The following GRIP1 variants were observed in gnomAD, a reference collection of about 807,000 sequenced individuals.
The protein encoded by GRIP1 is glutamate receptor-interacting protein 1.
In GRIP1, 45 loss-of-function variants were observed where a neutral mutation model predicts 129.9. The observed-to-expected ratio is 0.35, with a 90% confidence interval of 0.27 to 0.44. The LOEUF (loss-of-function observed/expected upper bound fraction) is 0.44. Ranked by LOEUF, GRIP1 falls within the 20% of genes least tolerant of loss-of-function variation. GRIP1 has a pLI of 1.00. For synonymous variants in GRIP1, 530 were observed against 520.8 expected, an observed-to-expected ratio of 1.02 and a Z score of -0.24; for missense variants, 1,196 against 1,396.8, an observed-to-expected ratio of 0.86 and a Z score of 2.29.
chr12:66,949,131 T>C (rs1286868292), intron 1 of GRIP1, among the ~76,000 whole-genome samples: 2 of 152,230 alleles, frequency 1.3e-5, no homozygotes, highest in East Asian at 3.8e-4. Context: ...AGCAATTGCT[T>C]AAATTTTGTT....
At chr12:67,007,335 C>T (rs2042641257) in intron 1 of GRIP1, among the ~76,000 whole-genome samples, 1 of 152,154 alleles carries the variant, frequency 6.6e-6, no homozygotes, top group South Asian at 2.1e-4. Flanking sequence ...ATAAAGGACT[C>T]TAACTCAGCA....
intron 1 of GRIP1, among the ~76,000 whole-genome samples, chr12:66,726,539 C>A (rs1329193993): frequency 6.6e-6 from 1 of 152,146 alleles, no homozygotes; most frequent in Non-Finnish European, 1.5e-5. Flanking sequence ...TCTTGTTTCG[C>A]CCATTCCAGT....
chr12:66,749,511 T>G lies in GRIP1; in HGVS notation c.-420+54542A>C, dbSNP rs150866685. Among the ~76,000 whole-genome samples the G allele has an allele frequency of 5.9e-4, 90 of 152,344 alleles. No homozygotes were observed. The East Asian group carries it at 7.1e-3, about 12-fold the overall frequency. ...TTTTCTGTAAGTAATTTGTATATTT[T>G]CTGCAGTGTTTTACTGACTCTTCTT... On this transcript the variant is annotated intron_variant, in intron 1 of 4. Coordinates refer to the GRIP1 transcript ENST00000538373.
At chr12:66,397,522 A>G (rs2137568918) in intron 16 of GRIP1, among the ~76,000 whole-genome samples, 1 of 152,264 alleles carries the variant, frequency 6.6e-6, no homozygotes, top group East Asian at 1.9e-4. Flanking sequence ...AAAAAAAAAA[A>G]AAAAGCTATG....
rs114295242 is a variant in GRIP1, at chr12:66,885,145, T to G, written c.58+183905A>C. Among the ~76,000 whole-genome samples, 1,256 of 152,198 alleles carry G rather than the reference T, an allele frequency of 8.3e-3. 19 individuals carry two copies. The highest frequency in any genetic ancestry group is 0.029 in the African/African-American group (1,190 of 41,532). On this transcript the variant is annotated intron_variant, in intron 1 of 1. Coordinates refer to the GRIP1 transcript ENST00000643019. ...ACCCCAGAAGGGGAGGCAGAAACTT[T>G]CCAGAGACTCAGCACCCATAAGCTG...
At chr12:66,674,645 T>C (rs1484551267) in intron 1 of GRIP1, among the ~76,000 whole-genome samples, 1 of 152,192 alleles carries the variant, frequency 6.6e-6, no homozygotes, top group African/African-American at 2.4e-5. Flanking sequence ...TCTGAGATGG[T>C]TGAGTTTCAG....
At chr12:66,445,792 G>A (rs2058606302) in intron 11 of GRIP1, among the ~76,000 whole-genome samples, 1 of 152,120 alleles carries the variant, frequency 6.6e-6, no homozygotes. Flanking sequence ...CAGGTTACAT[G>A]GGTTTTAGTC....
rs1250833017 is a variant in GRIP1, at chr12:66,539,544, G to GTTTTTT, written c.273-322_273-321insAAAAAA. Among the ~76,000 whole-genome samples, 515 of 67,524 alleles carry GTTTTTT rather than the reference G, an allele frequency of 7.6e-3. 18 individuals are homozygous for GTTTTTT. The highest frequency in any genetic ancestry group is 0.03 in the African/African-American group (486 of 16,170). 44.3% of individuals were successfully genotyped at this position (67,524 alleles called of 152,430 possible). On this transcript the variant is annotated intron_variant, in intron 3 of 24. Coordinates refer to ENST00000359742, the MANE Select transcript of GRIP1 (RefSeq NM_001366722.1). ...GCACCATAAAACAAAATCAAGAGAAGCTTTTTTTTTTTTTTTTTTTTTTTT... is the reference window on the plus strand; with the variant it reads ...GCACCATAAAACAAAATCAAGAGAAGTTTTTTCTTTTTTTTTTTTTTTTTTTTTTTT...
At chr12:66,451,857 T>C (rs933684306) in intron 11 of GRIP1, among the ~76,000 whole-genome samples, 1 of 152,170 alleles carries the variant, frequency 6.6e-6, no homozygotes, top group East Asian at 1.9e-4. Context: ...TCTTAGGGTG[T>C]CTTCTTCAGG....
chr12:66,351,585 C>T (rs1257012326), intron 24 of GRIP1, among the ~76,000 whole-genome samples: 2 of 136,630 alleles, frequency 1.5e-5, no homozygotes, highest in African/African-American at 6.1e-5. Context: ...TGGAAACTCA[C>T]TCTGCACCCA....
At chr12:66,586,992 C>T (rs1394505642) in intron 2 of GRIP1, among the ~76,000 whole-genome samples, 2 of 152,194 alleles carry the variant, frequency 1.3e-5, no homozygotes. Flanking sequence ...TATCCAAACT[C>T]TTACCATGGC....
rs1592367661 is a variant in GRIP1, at chr12:66,462,823, A to AC, written c.1042+100_1042+101insG. ...TCTCAAAAAAAAAAAAAAAAAAAAA[A>AC]GGCAGAATGAGACCCAGTGTCTTTC... is the stretch of plus-strand genomic sequence containing the variant. On this transcript the variant is annotated intron_variant, in intron 9 of 24. Transcript: ENST00000359742. The AC allele has an allele frequency of 2.3e-4, 150 of 655,996 alleles. No individual in the cohort carries two copies. The East Asian group carries it at 3.9e-3, about 17-fold the overall frequency. The allele number at this position is 655,996 out of a possible 1,614,324, so 40.6% of individuals were successfully genotyped here.
intron 7 of GRIP1, among the ~76,000 whole-genome samples, chr12:66,485,801 A>G (rs1399084050): frequency 6.7e-6 from 1 of 150,354 alleles, no homozygotes; most frequent in Non-Finnish European, 1.5e-5. Context: ...TCATTTTTTG[A>G]AAGGGCTACT....
chr12:66,745,455 A>T (rs1391129124), intron 1 of GRIP1, among the ~76,000 whole-genome samples: 1 of 152,198 alleles, frequency 6.6e-6, no homozygotes, highest in Non-Finnish European at 1.5e-5. Flanking sequence ...CTAGGTCCCA[A>T]ATATTGCACT....
At position 66,451,152 on chromosome 12, in the gene GRIP1, T is replaced by C. The variant is rs79407352; in HGVS notation, c.1354+4257A>G. 1.6e-3 allele frequency among the ~76,000 whole-genome samples: 249 copies of C among 152,252 alleles called. 2 individuals are homozygous for C. The highest frequency in any genetic ancestry group is 5.8e-3 in the African/African-American group (240 of 41,558). On this transcript the variant is annotated intron_variant, in intron 11 of 24. Transcript: ENST00000359742. Reference sequence around the variant, plus strand: ...GCTCTGTCCTGTTCCCATTCTCACATGGAGGGTTCTGTTCACAACTCTTCA... The same window carrying C: ...GCTCTGTCCTGTTCCCATTCTCACACGGAGGGTTCTGTTCACAACTCTTCA...
At chr12:66,690,811 T>C (rs1219210099) in intron 1 of GRIP1, among the ~76,000 whole-genome samples, 1 of 151,638 alleles carries the variant, frequency 6.6e-6, no homozygotes, top group Non-Finnish European at 1.5e-5. Context: ...TGTGTGCCTG[T>C]AGTCCCAGGT....
chr12:66,565,481 A>G (rs1320988584), intron 2 of GRIP1, among the ~76,000 whole-genome samples: 2 of 152,178 alleles, frequency 1.3e-5, no homozygotes, highest in South Asian at 4.1e-4. Flanking sequence ...CCATTGGTCT[A>G]TATCTCTGTT....
intron 1 of GRIP1, among the ~76,000 whole-genome samples, chr12:66,841,528 ATTTT>A: frequency 6.6e-6 from 1 of 152,322 alleles, no homozygotes; most frequent in East Asian, 1.9e-4. Flanking sequence ...ACTGCACAGC[ATTTT>A]TTGATTATTC....
intron 1 of GRIP1, among the ~76,000 whole-genome samples, chr12:66,604,771 G>A (rs1374383403): frequency 2.6e-5 from 4 of 152,066 alleles, no homozygotes; most frequent in African/African-American, 9.7e-5. Context: ...TGACAATTTG[G>A]TGCAAAATTT....
Sources: allele counts gnomAD v4.1 joint callset (sites outside exome capture counted in the v4.1 genomes callset), GRCh38; gene constraint gnomAD v4.1.1; transcripts MANE v1.5; gene names NCBI Gene and HGNC (gene_info 2026-07-23, HGNC 2026-07-21).